THSD7B: variants seen among roughly 807,000 people sequenced by gnomAD.
THSD7B encodes the protein thrombospondin type 1 domain containing 7B.
A neutral mutation model predicts 213.6 loss-of-function variants in THSD7B; 138 were observed. That is an observed-to-expected ratio of 0.65 (90% CI 0.56 to 0.74). The LOEUF is 0.74. Ranked by LOEUF, THSD7B falls within the 30% of genes least tolerant of loss-of-function variation. The probability of loss-of-function intolerance (pLI) is 0.00; values close to 1 mark genes in which losing one functional copy is unlikely to be tolerated. For missense variants in THSD7B, 1,931 were observed against 1,991.5 expected, an observed-to-expected ratio of 0.97 and a Z score of 0.58; for synonymous variants, 742 against 687.0, an observed-to-expected ratio of 1.08 and a Z score of -1.25.
chr2:136,838,938 G>A (rs1004836553), intron 1 of THSD7B, among the ~76,000 whole-genome samples: 7 of 152,144 alleles, frequency 4.6e-5, no homozygotes, highest in Non-Finnish European at 8.8e-5. Context: ...CTCAGCTCCT[G>A]GAAAGCCGTG....
rs1681331045 is a variant in THSD7B at position 137,570,449 on chromosome 2, C to T, written c.3273-1957C>T. 2.6e-5 allele frequency among the ~76,000 whole-genome samples: 4 copies of T among 152,102 alleles called. No homozygotes were observed. In the South Asian group the frequency reaches 8.3e-4, roughly 31 times the overall value. On this transcript the variant is annotated intron_variant, in intron 16 of 27. Transcript: ENST00000409968. ...TTAGCCTCCCGAGTAGCTGGGACTA[C>T]AGGCGCCTGCCACCTCGCCCAGCTA...
intron 15 of THSD7B, among the ~76,000 whole-genome samples, chr2:137,456,609 C>A (rs1687769004): frequency 6.6e-6 from 1 of 152,202 alleles, no homozygotes; most frequent in African/African-American, 2.4e-5. Context: ...AGCAAGAAAT[C>A]ATCTTCCTGG....
At chr2:137,134,531 G>A (rs923587600) in intron 5 of THSD7B, among the ~76,000 whole-genome samples, 4 of 152,136 alleles carry the variant, frequency 2.6e-5, no homozygotes, top group Non-Finnish European at 5.9e-5. Context: ...CAGGCCATGC[G>A]CTGGCACTCT....
chr2:136,798,845 CAT>C (rs562976902), intron 1 of THSD7B, among the ~76,000 whole-genome samples: 167 of 152,146 alleles, frequency 1.1e-3, no homozygotes, highest in African/African-American at 3.8e-3. Context: ...TTCCCATAAA[CAT>C]TGACCAAAGG....
chr2:137,487,225 G>A (rs1208435676), intron 15 of THSD7B, among the ~76,000 whole-genome samples: 9 of 147,692 alleles, frequency 6.1e-5, no homozygotes, highest in Admixed American at 2.7e-4. Flanking sequence ...AAAATTAGCC[G>A]GGCGCAGTGG....
intron 1 of THSD7B, among the ~76,000 whole-genome samples, chr2:136,796,759 G>A (rs1682073040): frequency 6.6e-6 from 1 of 151,946 alleles, no homozygotes; most frequent in Non-Finnish European, 1.5e-5. Context: ...GCCTGTTACA[G>A]TATGATTTCT....
chr2:137,415,564 G>A (rs779425523), intron 14 of THSD7B, among the ~76,000 whole-genome samples: 2 of 151,884 alleles, frequency 1.3e-5, no homozygotes, highest in Admixed American at 6.6e-5. Flanking sequence ...TGTGACAACA[G>A]GTCCAATGAA....
chr2:137,081,329 G>T lies in THSD7B; in HGVS notation c.951-13544G>T, dbSNP rs11897002. Among the ~76,000 whole-genome samples the T allele has an allele frequency of 5.9e-3, 895 of 152,008 alleles. 12 individuals carry two copies. Among genetic ancestry groups the T allele is most frequent in the African/African-American group, 0.021 (854 of 41,464 alleles). ...TTAATTTTCTTCATATAAAATATAG[G>T]TATGTTGGACTATTTTCCATTTCAT... is the stretch of plus-strand genomic sequence containing the variant. On this transcript the variant is annotated intron_variant, in intron 3 of 27. Coordinates refer to ENST00000409968, the MANE Select transcript of THSD7B (RefSeq NM_001316349.2).
chr2:137,627,938 A>G (rs1370319584), intron 20 of THSD7B, among the ~76,000 whole-genome samples: 1 of 152,222 alleles, frequency 6.6e-6, no homozygotes, highest in Non-Finnish European at 1.5e-5. Context: ...ATCCACTTTA[A>G]AGTTGTGTAA....
intron 15 of THSD7B, among the ~76,000 whole-genome samples, chr2:137,531,826 G>A (rs937304271): frequency 6.6e-6 from 1 of 151,936 alleles, no homozygotes; most frequent in Non-Finnish European, 1.5e-5. Context: ...AGTGTTTTAA[G>A]GTCTTAGTAG....
chr2:137,077,186 T>C (rs1573807833), intron 3 of THSD7B, among the ~76,000 whole-genome samples: 1 of 152,148 alleles, frequency 6.6e-6, no homozygotes, highest in Non-Finnish European at 1.5e-5. Flanking sequence ...TAGTATTCCA[T>C]GGAGTATATG....
At chr2:137,474,426 TC>T (rs1278527040) in intron 15 of THSD7B, among the ~76,000 whole-genome samples, 1 of 152,200 alleles carries the variant, frequency 6.6e-6, no homozygotes, top group Non-Finnish European at 1.5e-5. Context: ...AGTGGCACTT[TC>T]TATCCCCAGC....
At chr2:137,557,027 C>T (rs1186721122) in intron 15 of THSD7B, among the ~76,000 whole-genome samples, 1 of 152,122 alleles carries the variant, frequency 6.6e-6, no homozygotes, top group East Asian at 1.9e-4. Context: ...TACAGGAGCA[C>T]CCAGATTCAC....
At chr2:137,171,506 C>A (rs1435668630) in intron 7 of THSD7B, among the ~76,000 whole-genome samples, 2 of 152,136 alleles carry the variant, frequency 1.3e-5, no homozygotes, top group Admixed American at 1.3e-4. Context: ...CCTCAATCAG[C>A]AAGCACCTGG....
intron 27 of THSD7B, 91 bp downstream of exon 27, chr2:137,667,952 A>G (rs1683482797): frequency 1.9e-6 from 2 of 1,037,608 alleles, no homozygotes; most frequent in Admixed American, 2.8e-5. Context: ...ATTGCCCATT[A>G]TAACAGGATT....
chr2:137,101,721 T>A (rs909129834), intron 4 of THSD7B, among the ~76,000 whole-genome samples: 4 of 152,108 alleles, frequency 2.6e-5, no homozygotes, highest in Non-Finnish European at 4.4e-5. Context: ...TGTCCGCCAT[T>A]ACTGAGGCTT....
At chr2:136,788,400 A>T (rs7572661) in intron 1 of THSD7B, among the ~76,000 whole-genome samples, 108,016 of 152,102 alleles carry the variant, frequency 0.71, 38,739 homozygotes, top group East Asian at 0.98. Context: ...GATATGCTGT[A>T]TGAAGTAGTT....
intron 4 of THSD7B, among the ~76,000 whole-genome samples, chr2:137,096,676 T>G (rs1381197430): frequency 6.6e-6 from 1 of 152,224 alleles, no homozygotes; most frequent in Non-Finnish European, 1.5e-5. Context: ...AACAGAAGCT[T>G]GAAAATGGCA....
chr2:137,648,746 T>C (rs1424487251), intron 21 of THSD7B, among the ~76,000 whole-genome samples: 1 of 146,488 alleles, frequency 6.8e-6, no homozygotes, highest in Admixed American at 6.7e-5. Flanking sequence ...AGTATATAAA[T>C]GTGTGTGTGT....
Sources: allele counts gnomAD v4.1 joint callset (sites outside exome capture counted in the v4.1 genomes callset), GRCh38; gene constraint gnomAD v4.1.1; transcripts MANE v1.5; gene names NCBI Gene and HGNC (gene_info 2026-07-23, HGNC 2026-07-21).